Variants in MICOS10 observed in about 807,000 individuals in gnomAD.
MICOS10 encodes the protein mitochondrial contact site and cristae organizing system subunit 10.
Under a neutral mutation model 13.4 loss-of-function variants are expected in MICOS10, and 5 were observed. The ratio of observed to expected loss-of-function variants is 0.37; its 90% CI spans 0.20 to 0.78. The LOEUF (loss-of-function observed/expected upper bound fraction) is 0.78. Among genes scored for constraint, MICOS10 ranks in the 30% least tolerant of loss-of-function variants. MICOS10 has a pLI of 0.47. For missense variants in MICOS10, 101 were observed against 94.6 expected (o/e 1.07, Z -0.28); for synonymous variants, 35 against 33.6 (o/e 1.04, Z -0.15).
chr1:19,621,960 G>A (rs1224431298), intron 1 of MICOS10, 140 bp from the exon 2 acceptor site: 7 of 677,672 alleles, frequency 1.0e-5, no homozygotes, highest in East Asian at 5.6e-5. Flanking sequence ...AAATAAAGAC[G>A]GTTAGAAATT....
At chr1:19,625,053 G>A (rs141863897) in intron 3 of MICOS10, among the ~76,000 whole-genome samples, 40 of 152,334 alleles carry the variant, frequency 2.6e-4, no homozygotes, top group African/African-American at 9.4e-4. Context: ...GTGCAAGCCT[G>A]TCACTTGCTT....
intron 1 of MICOS10, among the ~76,000 whole-genome samples, chr1:19,606,714 C>T (rs948914553): frequency 4.6e-5 from 7 of 151,240 alleles, no homozygotes; most frequent in African/African-American, 1.7e-4. Flanking sequence ...CCATTGCACT[C>T]CAACCTGGGC....
intron 3 of MICOS10, among the ~76,000 whole-genome samples, 196 bp from the exon 4 acceptor site, chr1:19,626,191 C>T (rs1469599041): frequency 6.6e-6 from 1 of 152,184 alleles, no homozygotes; most frequent in East Asian, 1.9e-4. Context: ...ACTCTTCTCC[C>T]TGGAAGATTG....
At chr1:19,619,317 T>A (rs766023288) in intron 1 of MICOS10, among the ~76,000 whole-genome samples, 1 of 152,228 alleles carries the variant, frequency 6.6e-6, no homozygotes, top group South Asian at 2.1e-4. Context: ...TCCTGCTGAT[T>A]ATGTTTGCTT....
At chr1:19,614,374 A>T (rs1425744745) in intron 1 of MICOS10, 1 of 143,820 alleles carries the variant, frequency 7.0e-6, no homozygotes, top group Non-Finnish European at 1.5e-5. Flanking sequence ...ATACACACCC[A>T]CTCTCTCTTT....
At chr1:19,601,694 G>C (rs926787960) in intron 1 of MICOS10, among the ~76,000 whole-genome samples, 2 of 152,098 alleles carry the variant, frequency 1.3e-5, no homozygotes, top group African/African-American at 4.8e-5. Flanking sequence ...AAGAATAGGT[G>C]ATTTCTAGTA....
intron 2 of MICOS10, among the ~76,000 whole-genome samples, chr1:19,623,185 T>C (rs1442562431): frequency 1.3e-5 from 2 of 152,156 alleles, no homozygotes; most frequent in Admixed American, 1.3e-4. Flanking sequence ...CCTCCCAGAG[T>C]GCGGGGATTA....
chr1:19,600,896 T>C (rs1022354869), intron 1 of MICOS10: 2 of 1,289,246 alleles, frequency 1.6e-6, no homozygotes, highest in African/African-American at 3.0e-5. Flanking sequence ...CCACCACACC[T>C]GGTCCATCTT....
At position 19,597,117 on chromosome 1, in the gene MICOS10, G is replaced by A; in HGVS notation, c.64+8G>A. The A allele has an allele frequency of 2.5e-6, 4 of 1,599,890 alleles. No individual in the cohort carries two copies. Among genetic ancestry groups the A allele is most frequent in the Non-Finnish European group, 2.6e-6 (3 of 1,173,980 alleles). ...ATGCGGTCGTGAAGATAGGTAAGGGGCTTTTCGCCCCAGCAGGCCCGGCCG... is the reference window on the plus strand; with the variant it reads ...ATGCGGTCGTGAAGATAGGTAAGGGACTTTTCGCCCCAGCAGGCCCGGCCG... On this transcript the variant is annotated splice_region_variant and intron_variant, in intron 1 of 3. Transcript: ENST00000322753.
intron 1 of MICOS10, chr1:19,598,340 A>G (rs2094800740): frequency 1.3e-5 from 2 of 152,144 alleles, no homozygotes; most frequent in Non-Finnish European, 2.9e-5. Flanking sequence ...TTGAATATGG[A>G]TCACTTAGGA....
chr1:19,608,994 CTTTTTTTT>C lies in MICOS10; in HGVS notation c.64+11907_64+11914del, dbSNP rs5772856. On this transcript the variant is annotated intron_variant, in intron 1 of 3. Coordinates refer to ENST00000322753, the MANE Select transcript of MICOS10 (RefSeq NM_001032363.4). The stretch of plus-strand genomic sequence containing the variant: ...TTAAGATGTGAGCCACTTTTCCCAG[CTTTTTTTT>C]TTTTTTTTTTTTTTTTTTTTTGAGA... 2.5e-4 allele frequency among the ~76,000 whole-genome samples: 15 copies of C among 60,590 alleles called. No individual in the cohort carries two copies. The South Asian group carries it at 5.3e-3, about 21-fold the overall frequency. 39.7% of individuals were successfully genotyped at this position (60,590 alleles called of 152,430 possible). A position where few individuals can be genotyped will look rare whatever the true frequency, so the allele number is the denominator to read the frequency against.
Position 19,622,253 on chromosome 1 carries a change from A to G in MICOS10, c.112+106A>G, listed in dbSNP as rs544906151. 2.8e-4 allele frequency: 228 copies of G among 809,334 alleles called. No individual in the cohort carries two copies. In the African/African-American group the frequency reaches 3.5e-3, roughly 13 times the overall value. The allele number at this position is 809,334 out of a possible 1,614,324, so 50.1% of individuals were successfully genotyped here. On this transcript the variant is annotated intron_variant, in intron 2 of 3. Transcript: ENST00000322753. ...GAACCCATCAATTTGTGGGTTGCCA[A>G]CCCATCCATTTATGGGGTTAGGTAG... is the stretch of plus-strand genomic sequence containing the variant.
chr1:19,620,981 C>G (rs528834406), intron 1 of MICOS10, among the ~76,000 whole-genome samples: 4 of 152,310 alleles, frequency 2.6e-5, no homozygotes, highest in Admixed American at 2.0e-4. Context: ...GATTGTAAGC[C>G]ATTATGTTTT....
rs1033515501 is a variant in MICOS10 at position 19,596,985 on chromosome 1, C to G, written c.-61C>G. The G allele has an allele frequency of 5.9e-6, 9 of 1,526,994 alleles. No homozygotes were observed. The highest frequency in any genetic ancestry group is 7.9e-6 in the Non-Finnish European group (9 of 1,133,460). The allele number at this position is 1,526,994 out of a possible 1,614,324, so 94.6% of individuals were successfully genotyped here. ...GGACTTGTTTCCAGCTCTCGCGAGA[C>G]TTTCAGGGGTCGGAGCGCGGGGGCC... On this transcript the variant is annotated 5_prime_UTR_variant, in exon 1 of 4. Coordinates refer to ENST00000322753, the MANE Select transcript of MICOS10 (RefSeq NM_001032363.4).
intron 1 of MICOS10, among the ~76,000 whole-genome samples, chr1:19,598,921 A>T (rs1570459749): frequency 6.6e-6 from 1 of 151,706 alleles, no homozygotes; most frequent in African/African-American, 2.4e-5. Flanking sequence ...TAATTAACTT[A>T]TTTTTTTTAT....
chr1:19,609,964 A>G (rs930865213), intron 1 of MICOS10, among the ~76,000 whole-genome samples: 3 of 152,152 alleles, frequency 2.0e-5, no homozygotes, highest in African/African-American at 4.8e-5. Context: ...CAACATGGGG[A>G]AACCCCGTCT....
rs952537914 is a variant in MICOS10 at position 19,629,600 on chromosome 1, T to C, written c.*3199T>C. Reference sequence around the variant, plus strand: ...CATCCTCTCATCCATTTCAAAAGATTGCAGATGCCGTCTTGAAGTCCTGCT... The same window carrying C: ...CATCCTCTCATCCATTTCAAAAGATCGCAGATGCCGTCTTGAAGTCCTGCT... On this transcript the variant is annotated 3_prime_UTR_variant, in exon 4 of 4. Coordinates refer to ENST00000322753, the MANE Select transcript of MICOS10 (RefSeq NM_001032363.4). The C allele has an allele frequency of 6.6e-6, 1 of 152,232 alleles. No individual in the cohort carries two copies. The allele number at this position is 152,232 out of a possible 1,614,324, so 9.4% of individuals were successfully genotyped here.
intron 2 of MICOS10, among the ~76,000 whole-genome samples, chr1:19,623,167 C>T (rs1057108618): frequency 2.9e-4 from 44 of 152,204 alleles, no homozygotes; most frequent in African/African-American, 1.0e-3. Context: ...GTGATCCGCC[C>T]GCCTACGCCT....
intron 1 of MICOS10, chr1:19,617,299 G>A: frequency 1.0e-6 from 1 of 985,252 alleles, no homozygotes; most frequent in Non-Finnish European, 1.2e-6. Context: ...CCCTGCAGAT[G>A]TTCCAGCCTC....
Sources: allele counts gnomAD v4.1 joint callset (sites outside exome capture counted in the v4.1 genomes callset), GRCh38; gene constraint gnomAD v4.1.1; transcripts MANE v1.5; gene names NCBI Gene and HGNC (gene_info 2026-07-23, HGNC 2026-07-21).